Variants in RAB3IP observed in about 807,000 individuals in gnomAD.
RAB3IP encodes rab-3A-interacting protein.
RAB3IP carries 36 observed loss-of-function variants against 59.1 expected under a neutral mutation model. The observed-to-expected ratio is 0.61, with a 90% CI of 0.47 to 0.80. The LOEUF is 0.80. Ranked by LOEUF, RAB3IP falls within the 30% of genes least tolerant of loss-of-function variation. The pLI is 0.00. For synonymous variants in RAB3IP, 207 were observed against 191.2 expected, an observed-to-expected ratio of 1.08 and a Z score of -0.68; for missense variants, 511 against 536.0, an observed-to-expected ratio of 0.95 and a Z score of 0.46.
intron 8 of RAB3IP, 98 bp from the exon 9 acceptor site, chr12:69,812,680 A>C (rs949035147): frequency 1.3e-6 from 1 of 777,304 alleles, no homozygotes; most frequent in African/African-American, 1.8e-5. Flanking sequence ...TAGGTTCTCA[A>C]ATATTTGTTA....
intron 1 of RAB3IP, among the ~76,000 whole-genome samples, chr12:69,746,221 C>T (rs1042325070): frequency 6.6e-6 from 1 of 152,154 alleles, no homozygotes; most frequent in Non-Finnish European, 1.5e-5. Context: ...TACATCTATA[C>T]TTTCTAAAAT....
rs1476830886 is a variant in RAB3IP, at chr12:69,821,001, C to T, written c.*5555C>T. On this transcript the variant is annotated 3_prime_UTR_variant, in exon 11 of 11. Transcript: ENST00000247833. ...AAAAAAAATGTAGAAGAGGACTAAA[C>T]TTGATAAAATATTAAAAGAATTGAA... 6.6e-6 allele frequency: 1 copy of T among 151,484 alleles called. No homozygotes were observed. The highest frequency in any genetic ancestry group is 1.5e-5 in the Non-Finnish European group (1 of 67,938). The allele number at this position is 151,484 out of a possible 1,614,324, so 9.4% of individuals were successfully genotyped here. A position where few individuals can be genotyped will look rare whatever the true frequency, so the allele number is the denominator to read the frequency against.
At chr12:69,772,350 T>C (rs1018402035) in intron 3 of RAB3IP, among the ~76,000 whole-genome samples, 7 of 152,194 alleles carry the variant, frequency 4.6e-5, no homozygotes, top group Non-Finnish European at 1.0e-4. Context: ...GGTCTTGTTT[T>C]TTAAATTCAT....
At chr12:69,808,811 T>A (rs1879906477) in intron 8 of RAB3IP, among the ~76,000 whole-genome samples, 1 of 152,204 alleles carries the variant, frequency 6.6e-6, no homozygotes, top group South Asian at 2.1e-4. Flanking sequence ...ATGAGATGGG[T>A]TTCCTGAATA....
chr12:69,745,425 G>A (rs1362256554), intron 1 of RAB3IP, among the ~76,000 whole-genome samples: 2 of 144,440 alleles, frequency 1.4e-5, no homozygotes, highest in African/African-American at 4.9e-5. Flanking sequence ...TTTGATTTAT[G>A]TGCTGTTTTT....
chr12:69,781,290 G>T (rs942411210), intron 3 of RAB3IP, among the ~76,000 whole-genome samples: 3 of 152,078 alleles, frequency 2.0e-5, no homozygotes, highest in African/African-American at 7.2e-5. Flanking sequence ...TGTACTTGCT[G>T]TCTCCACACA....
intron 8 of RAB3IP, among the ~76,000 whole-genome samples, chr12:69,810,569 A>G (rs1330561372): frequency 1.3e-5 from 2 of 152,192 alleles, no homozygotes; most frequent in Admixed American, 1.3e-4. Context: ...GGTAATTTGG[A>G]TAAAGAGCAA....
intron 1 of RAB3IP, among the ~76,000 whole-genome samples, chr12:69,752,093 T>A (rs1271268553): frequency 6.6e-6 from 1 of 150,922 alleles, no homozygotes; most frequent in Non-Finnish European, 1.5e-5. Flanking sequence ...ACCCTCAAAT[T>A]CCTCAGCTCA....
In RAB3IP at chr12:69,791,489, A is replaced by G. The variant is rs7970796; in HGVS notation, c.607-2948A>G. On this transcript the variant is annotated intron_variant, in intron 4 of 10. Transcript: ENST00000247833. ...GCATGCAGTAGCAAAAAACAACCCA[A>G]TTGAAAGATGGGCTAGGGGCCTAAA... is the stretch of plus-strand genomic sequence containing the variant. Among the ~76,000 whole-genome samples the G allele has an allele frequency of 5.2e-3, 787 of 152,298 alleles. 13 individuals carry two copies. The highest frequency in any genetic ancestry group is 0.018 in the African/African-American group (746 of 41,562).
intron 3 of RAB3IP, among the ~76,000 whole-genome samples, chr12:69,763,471 C>G (rs1310871596): frequency 6.6e-6 from 1 of 152,196 alleles, no homozygotes; most frequent in Non-Finnish European, 1.5e-5. Context: ...TTTGCTTTGA[C>G]TGGACCACTT....
chr12:69,769,845 G>A (rs1346087882), intron 3 of RAB3IP, among the ~76,000 whole-genome samples: 1 of 152,174 alleles, frequency 6.6e-6, no homozygotes, highest in East Asian at 1.9e-4. Flanking sequence ...ATCAGTAAAA[G>A]TCAAAATTAT....
chr12:69,764,981 C>T (rs1871960500), intron 3 of RAB3IP, among the ~76,000 whole-genome samples: 1 of 152,160 alleles, frequency 6.6e-6, no homozygotes, highest in African/African-American at 2.4e-5. Flanking sequence ...GAATTTTGTA[C>T]ATTGACTTTG....
chr12:69,766,704 T>G (rs1209627699), intron 3 of RAB3IP, among the ~76,000 whole-genome samples: 2 of 151,986 alleles, frequency 1.3e-5, no homozygotes, highest in African/African-American at 2.4e-5. Flanking sequence ...TTTTGTATTT[T>G]CAGTTGAGAT....
intron 1 of RAB3IP, among the ~76,000 whole-genome samples, chr12:69,749,063 T>C (rs1868803840): frequency 6.6e-6 from 1 of 152,212 alleles, no homozygotes; most frequent in South Asian, 2.1e-4. Flanking sequence ...TCCTAAGTGC[T>C]ATATAACAGG....
chr12:69,761,635 A>G (rs1871323126), intron 3 of RAB3IP, among the ~76,000 whole-genome samples: 1 of 152,186 alleles, frequency 6.6e-6, no homozygotes, highest in Non-Finnish European at 1.5e-5. Flanking sequence ...TAAGGATTGC[A>G]TATGTTTGTG....
intron 8 of RAB3IP, among the ~76,000 whole-genome samples, chr12:69,811,212 A>T (rs1356551693): frequency 1.3e-5 from 2 of 152,132 alleles, no homozygotes; most frequent in Non-Finnish European, 2.9e-5. Flanking sequence ...GAAGGGAACA[A>T]CACACACTGC....
Position 69,817,686 on chromosome 12 carries a change from A to ACACACACACACACACACACT in RAB3IP, c.*2241_*2242insACACACACACACACACACTC, listed in dbSNP as rs1477579177. 1.3e-5 allele frequency: 2 copies of ACACACACACACACACACACT among 149,278 alleles called. No individual in the cohort carries two copies. The highest frequency in any genetic ancestry group is 5.0e-5 in the African/African-American group (2 of 40,186). The allele number at this position is 149,278 out of a possible 1,614,324, so 9.2% of individuals were successfully genotyped here. ...CACACACACACACACACACACACAC[A>ACACACACACACACACACACT]CTGTGTCCATGAACTTGGGAGGATG... is the stretch of plus-strand genomic sequence containing the variant. On this transcript the variant is annotated 3_prime_UTR_variant, in exon 11 of 11. Coordinates refer to ENST00000247833, the MANE Select transcript of RAB3IP (RefSeq NM_022456.5).
chr12:69,770,024 C>T (rs1285488564), intron 3 of RAB3IP, among the ~76,000 whole-genome samples: 1 of 151,652 alleles, frequency 6.6e-6, no homozygotes, highest in Non-Finnish European at 1.5e-5. Flanking sequence ...GACATCAAAA[C>T]AGAAAGGCAC....
At chr12:69,769,040 G>T (rs911187516) in intron 3 of RAB3IP, among the ~76,000 whole-genome samples, 4 of 152,106 alleles carry the variant, frequency 2.6e-5, no homozygotes, top group Admixed American at 2.0e-4. Context: ...TAAGTATGAG[G>T]TCTGATGGTT....
Sources: allele counts gnomAD v4.1 joint callset (sites outside exome capture counted in the v4.1 genomes callset), GRCh38; gene constraint gnomAD v4.1.1; transcripts MANE v1.5; gene names NCBI Gene and HGNC (gene_info 2026-07-23, HGNC 2026-07-21).